The following PCDHGA5 variants were observed in gnomAD, a reference collection of about 807,000 sequenced individuals.
PCDHGA5 encodes protocadherin gamma subfamily A, 5.
PCDHGA5 carries 36 observed loss-of-function variants against 56.7 expected under a neutral mutation model. The observed-to-expected ratio is 0.64, with a 90% confidence interval of 0.49 to 0.84. PCDHGA5 has a LOEUF of 0.84. Ranked by LOEUF, PCDHGA5 falls within the 40% of genes least tolerant of loss-of-function variation. The pLI, the probability that PCDHGA5 is intolerant of heterozygous loss-of-function variation, is 0.00. For missense variants in PCDHGA5, 1,305 were observed against 1,201.5 expected, an observed-to-expected ratio of 1.09 and a Z score of -1.27; for synonymous variants, 563 against 520.2, an observed-to-expected ratio of 1.08 and a Z score of -1.12.
At position 141,491,151 on chromosome 5, in the gene PCDHGA5, T is replaced by C. The variant is rs1283775894; in HGVS notation, c.2422-3656T>C. The C allele has an allele frequency of 6.2e-7, 1 of 1,614,150 alleles. No individual in the cohort carries two copies. On this transcript the variant is annotated intron_variant, in intron 1 of 3. Transcript: ENST00000518069. The surrounding 1 kb of genome is among the most constrained non-coding windows in gnomAD (Gnocchi z 6.9). ...GCACAGCCCGGGCCTTACTGGAGGA[T>C]GACTCTGACACCCAGCAGGTGGTGG...
At chr5:141,499,679 T>G (rs2099793341) in intron 2 of PCDHGA5, among the ~76,000 whole-genome samples, 1 of 150,922 alleles carries the variant, frequency 6.6e-6, no homozygotes, top group South Asian at 2.1e-4. Context: ...CCACCATCTT[T>G]AACAGATGAC....
chr5:141,503,268 C>A (rs1038268807), intron 2 of PCDHGA5, among the ~76,000 whole-genome samples: 6 of 152,068 alleles, frequency 3.9e-5, no homozygotes, highest in African/African-American at 7.2e-5. Context: ...AACCCCAGCA[C>A]CTGGCTCTGT....
chr5:141,391,030 G>A (rs2092291091), intron 1 of PCDHGA5: 1 of 152,184 alleles, frequency 6.6e-6, no homozygotes, highest in Non-Finnish European at 1.5e-5. Flanking sequence ...AAAAGACAAT[G>A]TTTTGTGTCT....
At position 141,477,146 on chromosome 5, in the gene PCDHGA5, G is replaced by A. The variant is rs1447966302; in HGVS notation, c.2422-17661G>A. The stretch of plus-strand genomic sequence containing the variant: ...TTGCAAAGTGTTGGTGGAGGTTGTG[G>A]ATGTGAATGACAACGCCCCGGAGAT... On this transcript the variant is annotated intron_variant, in intron 1 of 3. Coordinates refer to ENST00000518069, the MANE Select transcript of PCDHGA5 (RefSeq NM_018918.3). This position sits in a 1 kb window ranked among gnomAD's most constrained non-coding sequence, Gnocchi z 4.9. 1 of 1,614,182 alleles carries A rather than the reference G, an allele frequency of 6.2e-7. No homozygotes were observed. The highest frequency in any genetic ancestry group is 8.5e-7 in the Non-Finnish European group (1 of 1,180,044).
chr5:141,376,002 A>G, intron 1 of PCDHGA5: 6 of 1,613,478 alleles, frequency 3.7e-6, no homozygotes, highest in Non-Finnish European at 5.1e-6. Flanking sequence ...GCGCTCAAGC[A>G]GAGCCTAGTG....
intron 1 of PCDHGA5, chr5:141,409,110 A>T: frequency 6.2e-7 from 1 of 1,614,060 alleles, no homozygotes; most frequent in Non-Finnish European, 8.5e-7. Context: ...ATGATTAAGA[A>T]TAACCAGTCA....
chr5:141,399,797 G>T, intron 1 of PCDHGA5: 2 of 1,613,192 alleles, frequency 1.2e-6, no homozygotes, highest in Non-Finnish European at 8.5e-7. Context: ...AACGCACCGC[G>T]GGTGCTGTAC....
rs1479003983 is a variant in PCDHGA5, at chr5:141,485,352, C to T, written c.2422-9455C>T. On this transcript the variant is annotated intron_variant, in intron 1 of 3. Coordinates refer to ENST00000518069, the MANE Select transcript of PCDHGA5 (RefSeq NM_018918.3). This position sits in a 1 kb window ranked among gnomAD's most constrained non-coding sequence, Gnocchi z 5.7. ...TTCCTGCTGGATACGGACAGTCTGT[C>T]AGCTCGCAGGCTGCAGGTCGCTGGA... 1 of 1,614,136 alleles carries T rather than the reference C, an allele frequency of 6.2e-7. No homozygotes were observed. The highest frequency in any genetic ancestry group is 8.5e-7 in the Non-Finnish European group (1 of 1,180,012).
chr5:141,423,597 G>C, intron 1 of PCDHGA5: 1 of 1,613,188 alleles, frequency 6.2e-7, no homozygotes, highest in Non-Finnish European at 8.5e-7. Context: ...AGAAAAGCGA[G>C]CCACTCTTGA....
chr5:141,473,299 G>T (rs182316672), intron 1 of PCDHGA5, among the ~76,000 whole-genome samples: 5 of 152,228 alleles, frequency 3.3e-5, no homozygotes, highest in Admixed American at 1.3e-4. Flanking sequence ...GTAGCATAAA[G>T]ATTGCTATAT....
chr5:141,427,034 A>G (rs762633589), intron 1 of PCDHGA5: 7 of 457,110 alleles, frequency 1.5e-5, no homozygotes, highest in Non-Finnish European at 2.6e-5. Flanking sequence ...TCAGCCTTAG[A>G]GAGAATGTGC....
chr5:141,478,315 A>G, intron 1 of PCDHGA5: 1 of 1,613,998 alleles, frequency 6.2e-7, no homozygotes, highest in Non-Finnish European at 8.5e-7. Flanking sequence ...CGGTGAGCTC[A>G]CTGTACCGAA....
intron 1 of PCDHGA5, among the ~76,000 whole-genome samples, chr5:141,387,440 A>T (rs2090946110): frequency 6.6e-6 from 1 of 152,240 alleles, no homozygotes; most frequent in East Asian, 1.9e-4. Context: ...TATGTACTTA[A>T]TCTACATGAT....
chr5:141,388,864 C>T (rs748559328), intron 1 of PCDHGA5: 15 of 1,613,736 alleles, frequency 9.3e-6, no homozygotes, highest in Middle Eastern at 1.6e-4. Flanking sequence ...GGAATGATTG[C>T]GCAATGCACA....
At position 141,364,239 on chromosome 5, in the gene PCDHGA5, T is replaced by G. The variant is rs1763233017; in HGVS notation, c.-92T>G. ...GAAAAGCCAACGCTCCACGCCCATT[T>G]TCGTCAGGGAATATGTACCCATCGG... On this transcript the variant is annotated 5_prime_UTR_variant, in exon 1 of 4. Coordinates refer to ENST00000518069, the MANE Select transcript of PCDHGA5 (RefSeq NM_018918.3). 2 of 1,440,110 alleles carry G rather than the reference T, an allele frequency of 1.4e-6. No individual in the cohort carries two copies. Among genetic ancestry groups the G allele is most frequent in the African/African-American group, 2.9e-5 (2 of 70,078 alleles). The allele number at this position is 1,440,110 out of a possible 1,614,324, so 89.2% of individuals were successfully genotyped here.
chr5:141,507,553 C>T (rs1382652977), intron 3 of PCDHGA5, among the ~76,000 whole-genome samples: 4 of 152,192 alleles, frequency 2.6e-5, no homozygotes, highest in Admixed American at 2.0e-4. Flanking sequence ...ATGAAAGTGG[C>T]AGGCGGCTGG....
rs201394036 is a variant in PCDHGA5 at position 141,385,181 on chromosome 5, C to A, written c.2421+18430C>A. On this transcript the variant is annotated intron_variant, in intron 1 of 3. Coordinates refer to ENST00000518069, the MANE Select transcript of PCDHGA5 (RefSeq NM_018918.3). ...TATTCCCATGAGGTCTCCCTCACCGCGGACTCTCGGAAGAGTCACCTGATC... is the reference window on the plus strand; with the variant it reads ...TATTCCCATGAGGTCTCCCTCACCGAGGACTCTCGGAAGAGTCACCTGATC... 2.3e-4 allele frequency: 371 copies of A among 1,614,202 alleles called. 1 individual carries two copies. The highest frequency in any genetic ancestry group is 2.9e-4 in the Non-Finnish European group (346 of 1,180,040).
intron 2 of PCDHGA5, among the ~76,000 whole-genome samples, chr5:141,497,905 C>T (rs1052659134): frequency 6.6e-6 from 1 of 152,178 alleles, no homozygotes; most frequent in Non-Finnish European, 1.5e-5. Context: ...GTAACTTCAA[C>T]TTCTCTCCTT....
chr5:141,486,211 T>C lies in PCDHGA5; in HGVS notation c.2422-8596T>C, dbSNP rs779905477. On this transcript the variant is annotated intron_variant, in intron 1 of 3. Coordinates refer to ENST00000518069, the MANE Select transcript of PCDHGA5 (RefSeq NM_018918.3). The surrounding 1 kb of genome is among the most constrained non-coding windows in gnomAD (Gnocchi z 5.0). ...TGGATCTGCTGGACGTAAATGACAA[T>C]GCCCCTTACATCACAGTGACCTCAG... 6.2e-7 allele frequency: 1 copy of C among 1,614,142 alleles called. No homozygotes were observed. Among genetic ancestry groups the C allele is most frequent in the Non-Finnish European group, 8.5e-7 (1 of 1,180,024 alleles).
Sources: allele counts gnomAD v4.1 joint callset (sites outside exome capture counted in the v4.1 genomes callset), GRCh38; gene constraint gnomAD v4.1.1; non-coding constraint Gnocchi (gnomAD v3.1); transcripts MANE v1.5; gene names NCBI Gene and HGNC (gene_info 2026-07-23, HGNC 2026-07-21).